The following PRDM5 variants were observed in gnomAD, a reference collection of about 807,000 sequenced individuals.
The protein encoded by PRDM5 is PR domain zinc finger protein 5.
In PRDM5, 56 loss-of-function variants were observed where a neutral mutation model predicts 81.2. That is an observed-to-expected ratio of 0.69 (90% CI 0.56 to 0.86). The LOEUF (loss-of-function observed/expected upper bound fraction) is 0.86. Among genes scored for constraint, PRDM5 ranks in the 40% least tolerant of loss-of-function variants. The pLI, the probability that PRDM5 is intolerant of heterozygous loss-of-function variation, is 0.00. For missense variants in PRDM5, 697 were observed against 770.1 expected (o/e 0.91, Z 1.12); for synonymous variants, 267 against 256.4 (o/e 1.04, Z -0.39).
intron 3 of PRDM5, among the ~76,000 whole-genome samples, chr4:120,827,680 T>C (rs1016537909): frequency 6.6e-6 from 1 of 152,074 alleles, no homozygotes; most frequent in Non-Finnish European, 1.5e-5. Context: ...CTCAGCACAC[T>C]GGGTGGGAAG....
At chr4:120,746,697 C>T (rs60707096) in intron 14 of PRDM5, among the ~76,000 whole-genome samples, 3,637 of 145,616 alleles carry the variant, frequency 0.025, 147 homozygotes, top group African/African-American at 0.087. Flanking sequence ...TCATCATCAC[C>T]GGCCATCAGA....
rs1345090856 is a variant in PRDM5 at position 120,811,358 on chromosome 4, T to C, written c.945+12A>G. 6.5e-7 allele frequency: 1 copy of C among 1,547,618 alleles called. No individual in the cohort carries two copies. The highest frequency in any genetic ancestry group is 1.4e-5 in the African/African-American group (1 of 73,602). ...TAGATATTAAACTGTGATGAATTTT[T>C]ATCTTACTGACCTTTCTATGTTCCT... On this transcript the variant is annotated intron_variant, in intron 8 of 15. Coordinates refer to ENST00000264808, the MANE Select transcript of PRDM5 (RefSeq NM_018699.4).
chr4:120,763,594 TG>T (rs1260302606), intron 13 of PRDM5, among the ~76,000 whole-genome samples: 2 of 152,184 alleles, frequency 1.3e-5, no homozygotes, highest in Non-Finnish European at 2.9e-5. Context: ...CACACTGCTA[TG>T]GTAGGGAACA....
chr4:120,900,945 C>T (rs940341804), intron 2 of PRDM5, among the ~76,000 whole-genome samples: 4 of 152,118 alleles, frequency 2.6e-5, no homozygotes, highest in African/African-American at 9.7e-5. Flanking sequence ...TCACCCATTC[C>T]TTTTCCTTAG....
At chr4:120,852,208 T>C (rs1759349278) in intron 3 of PRDM5, among the ~76,000 whole-genome samples, 1 of 152,154 alleles carries the variant, frequency 6.6e-6, no homozygotes, top group Non-Finnish European at 1.5e-5. Flanking sequence ...TATGCTAGGA[T>C]ACAGGGAAAT....
chr4:120,781,831 G>A (rs1280622096), intron 11 of PRDM5, among the ~76,000 whole-genome samples: 6 of 152,190 alleles, frequency 3.9e-5, no homozygotes, highest in Admixed American at 3.9e-4. Context: ...GAGAGGGAAA[G>A]TTACAATGCC....
chr4:120,860,998 C>A (rs1449322996), intron 2 of PRDM5, among the ~76,000 whole-genome samples: 1 of 152,140 alleles, frequency 6.6e-6, no homozygotes, highest in African/African-American at 2.4e-5. Flanking sequence ...GCCTTATAGT[C>A]ATCAGTTATC....
chr4:120,880,678 AT>A (rs1397165886), intron 2 of PRDM5, among the ~76,000 whole-genome samples: 2 of 152,186 alleles, frequency 1.3e-5, no homozygotes, highest in Non-Finnish European at 2.9e-5. Context: ...AAAATTCATA[AT>A]TAAAAAAATA....
chr4:120,921,269 A>G (rs913447795), intron 1 of PRDM5, among the ~76,000 whole-genome samples: 8 of 152,252 alleles, frequency 5.3e-5, no homozygotes, highest in Admixed American at 2.0e-4. Flanking sequence ...CCTTCAAAAA[A>G]TGTTGATTTT....
rs1379460822 is a variant in PRDM5, at chr4:120,827,820, G to A, written c.301-6475C>T. Reference sequence around the variant, plus strand: ...AGGCTTTGGAACCCGATTAGGAAGTGCTCTGTCACTTCATGGCTATGTGGG... The same window carrying A: ...AGGCTTTGGAACCCGATTAGGAAGTACTCTGTCACTTCATGGCTATGTGGG... On this transcript the variant is annotated intron_variant, in intron 3 of 15. Coordinates refer to ENST00000264808, the MANE Select transcript of PRDM5 (RefSeq NM_018699.4). Among the ~76,000 whole-genome samples the A allele has an allele frequency of 2.6e-5, 4 of 152,196 alleles. No individual in the cohort carries two copies. The East Asian group carries it at 7.7e-4, about 29-fold the overall frequency.
intron 2 of PRDM5, among the ~76,000 whole-genome samples, chr4:120,875,953 T>C (rs905537324): frequency 2.0e-5 from 3 of 152,198 alleles, no homozygotes; most frequent in African/African-American, 4.8e-5. Context: ...TCTGCTAGAA[T>C]GCTTGTTTGT....
intron 3 of PRDM5, among the ~76,000 whole-genome samples, chr4:120,843,546 T>C (rs1197901228): frequency 6.6e-6 from 1 of 151,532 alleles, no homozygotes; most frequent in Non-Finnish European, 1.5e-5. Context: ...CTACAATAAA[T>C]TTAAAAAAGT....
downstream of PRDM5, among the ~76,000 whole-genome samples, chr4:120,691,540 C>A (rs1006572853): frequency 2.0e-5 from 3 of 152,038 alleles, no homozygotes; most frequent in African/African-American, 7.2e-5. Flanking sequence ...ACTTTTATTA[C>A]CCTTAAATTA....
At chr4:120,739,121 C>A (rs988469477) in intron 14 of PRDM5, among the ~76,000 whole-genome samples, 6 of 152,302 alleles carry the variant, frequency 3.9e-5, no homozygotes, top group Admixed American at 6.5e-5. Context: ...CTGGCCTCTC[C>A]ACATTACTTG....
At chr4:120,814,860 T>TTTTA (rs1754285357) in intron 7 of PRDM5, among the ~76,000 whole-genome samples, 1 of 152,178 alleles carries the variant, frequency 6.6e-6, no homozygotes, top group African/African-American at 2.4e-5. Flanking sequence ...TACAGCAAGA[T>TTTTA]TTTACACTTT....
intron 3 of PRDM5, among the ~76,000 whole-genome samples, chr4:120,827,059 G>A (rs1297282488): frequency 6.6e-6 from 1 of 152,110 alleles, no homozygotes; most frequent in African/African-American, 2.4e-5. Flanking sequence ...TCTACAAAGT[G>A]AGTCATTCAT....
At chr4:120,877,180 A>T (rs1762403278) in intron 2 of PRDM5, among the ~76,000 whole-genome samples, 1 of 152,212 alleles carries the variant, frequency 6.6e-6, no homozygotes, top group African/African-American at 2.4e-5. Context: ...CAAGGAAGAG[A>T]GCATGAGGTA....
At chr4:120,795,411 T>C (rs1271023338) in intron 10 of PRDM5, among the ~76,000 whole-genome samples, 2 of 152,160 alleles carry the variant, frequency 1.3e-5, no homozygotes, top group East Asian at 1.9e-4. Flanking sequence ...ACTGGTTCAA[T>C]TGTGATTTAA....
At chr4:120,736,162 CATG>C (rs1337119731) in intron 14 of PRDM5, among the ~76,000 whole-genome samples, 8 of 151,036 alleles carry the variant, frequency 5.3e-5, no homozygotes, top group African/African-American at 2.0e-4. Context: ...TTGCAGAAAT[CATG>C]ATTTCATTCT....
Sources: gnomAD v4.1 joint callset for allele counts (sites outside exome capture counted in the v4.1 genomes callset) on GRCh38, gnomAD v4.1.1 for gene constraint, MANE v1.5 for transcripts, NCBI Gene and HGNC (gene_info 2026-07-23, HGNC 2026-07-21) for gene names.